DHX36: variants seen among roughly 807,000 people sequenced by gnomAD.
DHX36 encodes ATP-dependent DNA/RNA helicase DHX36.
DHX36 carries 50 observed loss-of-function variants against 139.0 expected under a neutral mutation model. That is an observed-to-expected ratio of 0.36 (90% CI 0.29 to 0.46). DHX36 has a LOEUF of 0.46. Ranked by LOEUF, DHX36 falls within the 20% of genes least tolerant of loss-of-function variation. The probability of loss-of-function intolerance (pLI) is 1.00; values close to 1 mark genes in which losing one functional copy is unlikely to be tolerated. For synonymous variants in DHX36, 425 were observed against 401.9 expected (o/e 1.06, Z -0.69); for missense variants, 1,024 against 1,211.3 (o/e 0.85, Z 2.29).
At chr3:154,310,933 A>G (rs1712739042) in intron 4 of DHX36, among the ~76,000 whole-genome samples, 1 of 147,836 alleles carries the variant, frequency 6.8e-6, no homozygotes, top group Non-Finnish European at 1.5e-5. Context: ...AAAAGTTTTA[A>G]GTTTGAACAC....
chr3:154,322,158 A>C (rs998178139), intron 1 of DHX36, among the ~76,000 whole-genome samples: 2 of 152,186 alleles, frequency 1.3e-5, no homozygotes, highest in Non-Finnish European at 2.9e-5. Context: ...TGCCTAAAAA[A>C]ACTATAATTA....
intron 3 of DHX36, among the ~76,000 whole-genome samples, chr3:154,313,976 A>G (rs912870571): frequency 6.6e-6 from 1 of 152,176 alleles, no homozygotes; most frequent in Non-Finnish European, 1.5e-5. Flanking sequence ...ATGACAACAT[A>G]TGGGAAATAG....
intron 22 of DHX36, 197 bp downstream of exon 22, chr3:154,280,382 G>A: frequency 1.9e-6 from 1 of 520,144 alleles, no homozygotes; most frequent in Non-Finnish European, 3.4e-6. Context: ...TATCAAAGAG[G>A]TGATTCCAGG....
chr3:154,301,385 A>G (rs549436345), intron 9 of DHX36, among the ~76,000 whole-genome samples: 4 of 152,346 alleles, frequency 2.6e-5, no homozygotes, highest in Admixed American at 1.3e-4. Flanking sequence ...GAAAAAGACT[A>G]AAGTAAGTAA....
chr3:154,284,001 C>T (rs1274724767), intron 19 of DHX36, among the ~76,000 whole-genome samples: 2 of 152,036 alleles, frequency 1.3e-5, no homozygotes, highest in African/African-American at 4.8e-5. Context: ...TTATTAAATA[C>T]AAAATTTTAA....
intron 15 of DHX36, 57 bp from the exon 16 acceptor site, chr3:154,289,883 T>C: frequency 1.9e-6 from 2 of 1,078,450 alleles, no homozygotes; most frequent in Non-Finnish European, 2.8e-6. Flanking sequence ...AATGACTTTT[T>C]AGAACTGCAG....
intron 20 of DHX36, among the ~76,000 whole-genome samples, chr3:154,282,629 T>C (rs1719368449): frequency 6.6e-6 from 1 of 152,158 alleles, no homozygotes. Context: ...TTAGATTTTT[T>C]TGTTTACTAA....
intron 6 of DHX36, among the ~76,000 whole-genome samples, chr3:154,305,668 G>A (rs936599353): frequency 3.9e-5 from 6 of 152,178 alleles, no homozygotes; most frequent in African/African-American, 1.4e-4. Context: ...TTGAGAGGCT[G>A]AGGTGGGAGG....
At chr3:154,293,953 G>A (rs1212982714) in intron 13 of DHX36, 141 bp from the exon 14 acceptor site, 37 of 547,044 alleles carry the variant, frequency 6.8e-5, no homozygotes, top group South Asian at 2.0e-4. Context: ...AATATTTATC[G>A]ATGTATTTAT....
chr3:154,284,678 TAGC>T lies in DHX36; in HGVS notation c.2206-12_2206-10del, dbSNP rs1559946180. 6.2e-7 allele frequency: 1 copy of T among 1,606,080 alleles called. No homozygotes were observed. Among genetic ancestry groups the T allele is most frequent in the Admixed American group, 1.7e-5 (1 of 58,940 alleles). ...GCAATCTTTTCTTTTCCCTTAAAAA[TAGC>T]AGACATAGCCAATTTAAATTGCTCT... On this transcript the variant is annotated splice_polypyrimidine_tract_variant and intron_variant, in intron 18 of 24. Coordinates refer to ENST00000496811, the MANE Select transcript of DHX36 (RefSeq NM_020865.3).
chr3:154,300,732 A>C, intron 10 of DHX36, 36 bp from the exon 11 acceptor site: 2 of 1,538,926 alleles, frequency 1.3e-6, no homozygotes, highest in South Asian at 2.3e-5. Context: ...GAAATACTTA[A>C]TCAAGTTTTC....
intron 5 of DHX36, 52 bp from the exon 6 acceptor site, chr3:154,306,347 T>A (rs746110460): frequency 6.9e-7 from 1 of 1,446,992 alleles, no homozygotes; most frequent in Non-Finnish European, 9.6e-7. Flanking sequence ...AGAACAAATA[T>A]CCTGAATGTC....
At chr3:154,279,951 A>T (rs1254347066) in intron 22 of DHX36, 1 of 152,172 alleles carries the variant, frequency 6.6e-6, no homozygotes, top group Non-Finnish European at 1.5e-5. Flanking sequence ...CTTCCTTAAG[A>T]CACATCTATC....
chr3:154,317,396 T>C (rs545887110), intron 1 of DHX36, among the ~76,000 whole-genome samples: 6 of 152,048 alleles, frequency 3.9e-5, no homozygotes, highest in Non-Finnish European at 7.4e-5. Context: ...TGGAGTGTTC[T>C]GCAAAGTTGA....
At chr3:154,279,910 CA>C (rs1233752570) in intron 22 of DHX36, 4 of 152,074 alleles carry the variant, frequency 2.6e-5, no homozygotes, top group African/African-American at 7.2e-5. Flanking sequence ...ATATTATTTA[CA>C]ATATAGCTGT....
intron 17 of DHX36, among the ~76,000 whole-genome samples, chr3:154,285,658 A>C (rs1711524533): frequency 6.6e-6 from 1 of 152,214 alleles, no homozygotes; most frequent in South Asian, 2.1e-4. Context: ...TCAAATTTTT[A>C]TCTATAAAGA....
chr3:154,315,921 A>AT (rs1340814535), intron 2 of DHX36, 118 bp downstream of exon 2: 6 of 1,243,446 alleles, frequency 4.8e-6, no homozygotes, highest in Non-Finnish European at 6.5e-6. Context: ...TTTAATCTAC[A>AT]TAAGGAAAAA....
Position 154,315,214 on chromosome 3 carries a change from C to T in DHX36, c.435G>A (p.Lys145=). 1 of 1,613,230 alleles carries T rather than the reference C, an allele frequency of 6.2e-7. No homozygotes were observed. Among genetic ancestry groups the T allele is most frequent in the Non-Finnish European group, 8.5e-7 (1 of 1,179,640 alleles). The change falls in exon 3 of 25, where the codon AAG becomes AAA. Residue 145 remains lysine (K), a synonymous_variant. Transcript: ENST00000496811. ...CSENKLDIQE[K]KLINQEKKMF... is the part of the protein sequence containing the mutation. Reference sequence around the variant, plus strand: ...TTTTTTTTTCTTGATTTATCAACTTCTTTTCCTGGATGTCAAGTTTGTTCT... The same window carrying T: ...TTTTTTTTTCTTGATTTATCAACTTTTTTTCCTGGATGTCAAGTTTGTTCT...
intron 8 of DHX36, among the ~76,000 whole-genome samples, chr3:154,303,816 G>C (rs1269180761): frequency 6.6e-6 from 1 of 152,150 alleles, no homozygotes; most frequent in Non-Finnish European, 1.5e-5. Context: ...CCCGGAATTA[G>C]CGGAGAAAGG....
Sources: allele counts gnomAD v4.1 joint callset (sites outside exome capture counted in the v4.1 genomes callset), GRCh38; gene constraint gnomAD v4.1.1; transcripts MANE v1.5; gene names NCBI Gene and HGNC (gene_info 2026-07-23, HGNC 2026-07-21).